IL36B: variants seen among roughly 807,000 people sequenced by gnomAD.
IL36B encodes the protein interleukin 36 beta, also known as interleukin-36 beta.
A neutral mutation model predicts 19.3 loss-of-function variants in IL36B; 23 were observed. The observed-to-expected ratio is 1.19, with a 90% confidence interval of 0.86 to 1.69. The LOEUF (loss-of-function observed/expected upper bound fraction) is 1.69, where lower values mean the gene tolerates loss of function less well. IL36B is among the 40% of genes most tolerant of loss of function. The probability of loss-of-function intolerance (pLI) is 0.00; values close to 1 mark genes in which losing one functional copy is unlikely to be tolerated. For synonymous variants in IL36B, 59 were observed against 59.7 expected, an observed-to-expected ratio of 0.99 and a Z score of 0.05; for missense variants, 217 against 200.5, an observed-to-expected ratio of 1.08 and a Z score of -0.50.
At chr2:113,034,664 G>C (rs1685135078) in intron 1 of IL36B, among the ~76,000 whole-genome samples, 1 of 152,210 alleles carries the variant, frequency 6.6e-6, no homozygotes, top group Admixed American at 6.5e-5. Context: ...TCATGAATAA[G>C]AGGAAGACAG....
Position 113,025,787 on chromosome 2 carries a change from C to T in IL36B, c.391+316G>A, listed in dbSNP as rs114015981. Among the ~76,000 whole-genome samples, 470 of 152,176 alleles carry T rather than the reference C, an allele frequency of 3.1e-3. 6 individuals carry two copies. The highest frequency in any genetic ancestry group is 0.011 in the African/African-American group (454 of 41,522). On this transcript the variant is annotated intron_variant, in intron 5 of 5. Transcript: ENST00000259213. ...AGGAACATAGAGGGAAGAAATCCAA[C>T]GTGTTGGAGGTGGCTAGTTGAGAAA...
rs1393532700 is a variant in IL36B at position 113,026,656 on chromosome 2, G to A, written c.262-424C>T. ...TTAATTAAAATAACTCTCACAAAAT[G>A]GACAACTGGCTTAAAAGTATCCCTA... On this transcript the variant is annotated intron_variant, in intron 4 of 5. Transcript: ENST00000259213. 2.6e-5 allele frequency among the ~76,000 whole-genome samples: 4 copies of A among 152,070 alleles called. No homozygotes were observed. In the East Asian group the frequency reaches 7.7e-4, roughly 29 times the overall value.
chr2:113,034,913 G>A (rs1685140596), intron 1 of IL36B, among the ~76,000 whole-genome samples: 1 of 152,350 alleles, frequency 6.6e-6, no homozygotes, highest in African/African-American at 2.4e-5. Context: ...AGTGTGTGGT[G>A]AGGGAGTTCA....
intron 2 of IL36B, 39 bp from the exon 3 acceptor site, chr2:113,031,194 T>A (rs1558832553): frequency 2.1e-6 from 3 of 1,420,564 alleles, no homozygotes; most frequent in East Asian, 2.3e-5. Context: ...CACGTGAGGT[T>A]ATCAACTTCA....
chr2:113,047,156 A>G (rs907505250), intron 1 of IL36B, among the ~76,000 whole-genome samples: 1 of 152,200 alleles, frequency 6.6e-6, no homozygotes, highest in African/African-American at 2.4e-5. Context: ...TTCCTTTGAC[A>G]TACCAATCAC....
chr2:113,040,590 C>T (rs13418757), intron 1 of IL36B, among the ~76,000 whole-genome samples: 1 of 152,134 alleles, frequency 6.6e-6, no homozygotes, highest in Admixed American at 6.5e-5. Context: ...TTTTTATATA[C>T]TGGCAGCAGG....
In IL36B at chr2:113,031,048, C is replaced by A; in HGVS notation, c.121G>T (p.Val41Phe). 6.2e-7 allele frequency: 1 copy of A among 1,602,636 alleles called. No individual in the cohort carries two copies. The change falls in exon 3 of 6, where the codon GTC becomes TTC. Residue 41 changes from valine (V) to phenylalanine (F), a missense_variant and splice_region_variant. Coordinates refer to ENST00000259213, the MANE Select transcript of IL36B (RefSeq NM_014438.5). ...AACAGTGGGTTTGATTGTCACTCACCAGGCTTAATGCTGCGGCTAAGAGGA... is the reference window on the plus strand; with the variant it reads ...AACAGTGGGTTTGATTGTCACTCACAAGGCTTAATGCTGCGGCTAAGAGGA...
chr2:113,044,239 C>T (rs1453514795), intron 1 of IL36B, among the ~76,000 whole-genome samples: 10 of 149,286 alleles, frequency 6.7e-5, no homozygotes, highest in Non-Finnish European at 1.5e-4. Flanking sequence ...CTGCAATTTA[C>T]TTTGATATAT....
At chr2:113,025,788 G>A (rs1217184044) in intron 5 of IL36B, among the ~76,000 whole-genome samples, 2 of 152,182 alleles carry the variant, frequency 1.3e-5, no homozygotes, top group East Asian at 3.9e-4. Flanking sequence ...GAAATCCAAC[G>A]TGTTGGAGGT....
chr2:113,023,671 A>G (rs1684902165), intron 5 of IL36B, among the ~76,000 whole-genome samples: 1 of 152,196 alleles, frequency 6.6e-6, no homozygotes, highest in Admixed American at 6.5e-5. Context: ...ATGGGTTTCC[A>G]TGTAGTTTAT....
chr2:113,037,112 C>G (rs1439973562), intron 1 of IL36B, among the ~76,000 whole-genome samples: 1 of 152,216 alleles, frequency 6.6e-6, no homozygotes, highest in Non-Finnish European at 1.5e-5. Context: ...CTGTACCTTC[C>G]CATGATGAGC....
intron 5 of IL36B, chr2:113,026,047 T>C: frequency 1.9e-6 from 3 of 1,588,454 alleles, no homozygotes; most frequent in Non-Finnish European, 2.6e-6. Context: ...CCATGAAGAA[T>C]GAACGCATCT....
chr2:113,052,213 G>A (rs1216608755), intron 1 of IL36B, among the ~76,000 whole-genome samples: 2 of 151,964 alleles, frequency 1.3e-5, no homozygotes, highest in African/African-American at 4.8e-5. Context: ...ACCTCCCAAG[G>A]TACTGGGATT....
chr2:113,027,982 G>T (rs564717468), intron 4 of IL36B: 2 of 1,614,194 alleles, frequency 1.2e-6, no homozygotes, highest in Admixed American at 1.7e-5. Flanking sequence ...CTGTCCTGAT[G>T]TGGTGGAGGT....
At chr2:113,023,706 C>T (rs2105037878) in intron 5 of IL36B, among the ~76,000 whole-genome samples, 1 of 152,266 alleles carries the variant, frequency 6.6e-6, no homozygotes, top group East Asian at 1.9e-4. Context: ...TGTTACTTCC[C>T]AACCATACGG....
rs184261978 is a variant in IL36B at position 113,046,310 on chromosome 2, T to C, written c.-58+6507A>G. On this transcript the variant is annotated intron_variant, in intron 1 of 5. Transcript: ENST00000259213. ...CTGCAAGCTCCACCTCCCGGGTTCATGCCATTCTCCTGCTTCAACCTCCTG... is the reference window on the plus strand; with the variant it reads ...CTGCAAGCTCCACCTCCCGGGTTCACGCCATTCTCCTGCTTCAACCTCCTG... 7.7e-4 allele frequency among the ~76,000 whole-genome samples: 117 copies of C among 151,084 alleles called. 1 individual carries two copies. Among genetic ancestry groups the C allele is most frequent in the East Asian group, 4.8e-3 (24 of 5,050 alleles).
chr2:113,030,464 T>C (rs1685050685), intron 3 of IL36B, among the ~76,000 whole-genome samples: 1 of 152,008 alleles, frequency 6.6e-6, no homozygotes, highest in Admixed American at 6.6e-5. Context: ...CAAGAAAATG[T>C]GTTAGTAGGA....
At chr2:113,027,871 C>T in intron 4 of IL36B, 2 of 1,611,650 alleles carry the variant, frequency 1.2e-6, no homozygotes, top group Non-Finnish European at 1.7e-6. Context: ...ATTCTCTATC[C>T]TGGAACCAGC....
chr2:113,024,408 T>C (rs1303211595), intron 5 of IL36B, among the ~76,000 whole-genome samples: 2 of 152,192 alleles, frequency 1.3e-5, no homozygotes, highest in African/African-American at 4.8e-5. Context: ...TTTTCCATAC[T>C]ACAGATAGAC....
Sources: allele counts gnomAD v4.1 joint callset (sites outside exome capture counted in the v4.1 genomes callset), GRCh38; gene constraint gnomAD v4.1.1; transcripts MANE v1.5; gene names NCBI Gene and HGNC (gene_info 2026-07-23, HGNC 2026-07-21).